ITGAL: variants seen among roughly 807,000 people sequenced by gnomAD.
ITGAL encodes the protein integrin alpha-L.
Under a neutral mutation model 138.4 loss-of-function variants are expected in ITGAL, and 68 were observed. The observed-to-expected ratio is 0.49, with a 90% CI of 0.40 to 0.60. The LOEUF is 0.60. Among genes scored for constraint, ITGAL ranks in the 20% least tolerant of loss-of-function variants. ITGAL has a pLI of 0.00. For synonymous variants in ITGAL, 561 were observed against 584.3 expected, an observed-to-expected ratio of 0.96 and a Z score of 0.57; for missense variants, 1,256 against 1,478.6, an observed-to-expected ratio of 0.85 and a Z score of 2.47.
chr16:30,495,949 G>A lies in ITGAL; in HGVS notation c.1504-148G>A, dbSNP rs2050792592. 15 of 668,596 alleles carry A rather than the reference G, an allele frequency of 2.2e-5. No homozygotes were observed. The South Asian group carries it at 2.4e-4, about 11-fold the overall frequency. 41.4% of individuals were successfully genotyped at this position (668,596 alleles called of 1,614,324 possible). On this transcript the variant is annotated intron_variant, in intron 13 of 30. Transcript: ENST00000356798. Reference sequence around the variant, plus strand: ...CAGTAAGAGGACAGTAAGAGTCTGGGCTGGTGCTTGAACCCTGGTTAGTCT... The same window carrying A: ...CAGTAAGAGGACAGTAAGAGTCTGGACTGGTGCTTGAACCCTGGTTAGTCT...
At position 30,510,947 on chromosome 16, in the gene ITGAL, G is replaced by A. The variant is rs756150914; in HGVS notation, c.2686G>A (p.Ala896Thr). Residue 896 changes from alanine (A) to threonine (T), a missense_variant, in exon 23 of 31, where the codon GCC becomes ACC. Physicochemically the swap from Ala to Thr is moderately conservative, Grantham distance 58. Around this residue, in one of 3 missense-constraint regions of ITGAL, gnomAD observed 867 missense variants for 972.5 expected, o/e 0.89. Transcript: ENST00000356798. ...CTGGGGGGACTCGGTTGAATTGCAC[G>A]CCAATGTGACCTGGTGAGCAGGCCC... is the stretch of plus-strand genomic sequence containing the variant. ...SSWGDSVELH[A>T]NVTCNNEDSD... 8.1e-6 allele frequency: 13 copies of A among 1,613,788 alleles called. No homozygotes were observed. The highest frequency in any genetic ancestry group is 1.1e-5 in the South Asian group (1 of 91,066).
rs774210178 is a variant in ITGAL at position 30,494,253 on chromosome 16, T to C, written c.1255T>C (p.Leu419=). ...TWLPSRQKTS[L]LASGAPRYQH... ...GCTGCCCTCCCGGCAAAAGACTTCG[T>C]TGCTGGCCTCGGGAGCCCCTCGATA... Residue 419 remains leucine (L), a synonymous_variant, in exon 12 of 31, where the codon TTG becomes CTG. Transcript: ENST00000356798. This position sits in a 1 kb window ranked among gnomAD's most constrained non-coding sequence, Gnocchi z 4.2. The C allele has an allele frequency of 5.6e-6, 9 of 1,612,808 alleles. No individual in the cohort carries two copies. The highest frequency in any genetic ancestry group is 7.6e-6 in the Non-Finnish European group (9 of 1,179,044).
chr16:30,504,320 A>G (rs2050950660), intron 18 of ITGAL, 56 bp downstream of exon 18: 6 of 1,391,750 alleles, frequency 4.3e-6, no homozygotes, highest in Non-Finnish European at 4.1e-6. Flanking sequence ...CCATTTGGCA[A>G]GAAGAGCCGC....
intron 30 of ITGAL, among the ~76,000 whole-genome samples, chr16:30,520,265 C>T (rs1567494212): frequency 6.6e-6 from 1 of 152,138 alleles, no homozygotes; most frequent in African/African-American, 2.4e-5. Context: ...AAGCATCCGC[C>T]TCTACAAAAA....
chr16:30,483,006 T>C (rs901246910), intron 7 of ITGAL: 2 of 152,186 alleles, frequency 1.3e-5, no homozygotes, highest in Non-Finnish European at 2.9e-5. Context: ...GTTTTCATCT[T>C]TGTAGAGTTG....
At chr16:30,506,558 C>CAAAAAAAAA (rs57722064) in intron 20 of ITGAL, among the ~76,000 whole-genome samples, 157 bp from the exon 21 acceptor site, 3 of 47,912 alleles carry the variant, frequency 6.3e-5, no homozygotes, top group African/African-American at 2.5e-4. Flanking sequence ...GACTCCATCT[C>CAAAAAAAAA]AAAAAAAAAA....
chr16:30,517,122 T>TCTA, intron 26 of ITGAL, 36 bp downstream of exon 26: 1 of 1,362,406 alleles, frequency 7.3e-7, no homozygotes, highest in Non-Finnish European at 1.0e-6. Flanking sequence ...TCTACCCTCC[T>TCTA]CAGGTCTTGG....
At chr16:30,503,276 C>T (rs2050932872) in intron 17 of ITGAL, among the ~76,000 whole-genome samples, 1 of 152,078 alleles carries the variant, frequency 6.6e-6, no homozygotes, top group South Asian at 2.1e-4. Context: ...TCCCATTCCA[C>T]CTCTTATAAG....
In ITGAL at chr16:30,499,193, C is replaced by T; in HGVS notation, c.1952C>T (p.Thr651Ile). 1.2e-6 allele frequency: 2 copies of T among 1,614,150 alleles called. No homozygotes were observed. The highest frequency in any genetic ancestry group is 1.7e-6 in the Non-Finnish European group (2 of 1,180,012). Reference sequence around the variant, plus strand: ...AAGATGAAAGAAGGAGTTAATATCACAATCTGTTTCCAGATCAAGTCTCTC... The same window carrying T: ...AAGATGAAAGAAGGAGTTAATATCATAATCTGTTTCCAGATCAAGTCTCTC... ...SNKMKEGVNITICFQIKSLIP... is the reference protein window; with the variant it reads ...SNKMKEGVNIIICFQIKSLIP... Residue 651 changes from threonine (T) to isoleucine (I), a missense_variant, in exon 16 of 31, where the codon ACA becomes ATA. Transcript: ENST00000356798.
At chr16:30,509,900 A>G (rs367980518) in intron 21 of ITGAL, among the ~76,000 whole-genome samples, 4 of 151,900 alleles carry the variant, frequency 2.6e-5, no homozygotes, top group African/African-American at 9.7e-5. Context: ...TTAGCTGGAC[A>G]TGGTGGCACA....
chr16:30,502,014 C>T (rs1041654769), intron 17 of ITGAL, among the ~76,000 whole-genome samples: 4 of 151,986 alleles, frequency 2.6e-5, no homozygotes, highest in Non-Finnish European at 4.4e-5. Context: ...GCCTGGGCAA[C>T]AGAATGAGAC....
At chr16:30,516,050 C>G (rs1205560358) in intron 25 of ITGAL, among the ~76,000 whole-genome samples, 2 of 151,660 alleles carry the variant, frequency 1.3e-5, no homozygotes, top group Non-Finnish European at 2.9e-5. Flanking sequence ...TTTAATTTAA[C>G]TGGTATTTCA....
Position 30,521,725 on chromosome 16 carries a change from T to G in ITGAL, c.*60T>G. Reference sequence around the variant, plus strand: ...GGACTCAGGATGCCCAGGGCCACTCTGCCTCTGCCTGCATTCTGCCGTGTG... The same window carrying G: ...GGACTCAGGATGCCCAGGGCCACTCGGCCTCTGCCTGCATTCTGCCGTGTG... On this transcript the variant is annotated 3_prime_UTR_variant, in exon 31 of 31. Coordinates refer to ENST00000356798, the MANE Select transcript of ITGAL (RefSeq NM_002209.3). 1 of 1,526,128 alleles carries G rather than the reference T, an allele frequency of 6.6e-7. No individual in the cohort carries two copies. Among genetic ancestry groups the G allele is most frequent in the South Asian group, 1.2e-5 (1 of 85,362 alleles). The allele number at this position is 1,526,128 out of a possible 1,614,324, so 94.5% of individuals were successfully genotyped here. A position where few individuals can be genotyped will look rare whatever the true frequency, so the allele number is the denominator to read the frequency against.
At chr16:30,505,520 T>A in intron 20 of ITGAL, 58 bp downstream of exon 20, 1 of 1,245,306 alleles carries the variant, frequency 8.0e-7, no homozygotes, top group Non-Finnish European at 1.2e-6. Flanking sequence ...GACCCCCCAC[T>A]CCACTCACCA....
intron 29 of ITGAL, 89 bp from the exon 30 acceptor site, chr16:30,519,768 T>C (rs2051223829): frequency 2.4e-6 from 2 of 828,822 alleles, no homozygotes; most frequent in Non-Finnish European, 4.2e-6. Flanking sequence ...GCAGTCCGGA[T>C]AGGAGGAGAT....
In ITGAL at chr16:30,479,154, C is replaced by T; in HGVS notation, c.391C>T (p.Leu131Phe). Residue 131 changes from leucine (L) to phenylalanine (F), a missense_variant, in exon 5 of 31, where the codon CTC becomes TTC. This residue lies in a region of ITGAL where 212 missense variants were observed against 217.4 expected (regional missense o/e 0.98). Coordinates refer to ENST00000356798, the MANE Select transcript of ITGAL (RefSeq NM_002209.3). ...CACCTATCTGAGTGGCCTGTGTTAC[C>T]TCTTCCGCCAGAATCTGCAGGGTCC... The part of the protein sequence containing the change: ...QNTYLSGLCY[L>F]FRQNLQGPML... The T allele has an allele frequency of 6.2e-7, 1 of 1,614,130 alleles. No homozygotes were observed. The highest frequency in any genetic ancestry group is 8.5e-7 in the Non-Finnish European group (1 of 1,180,014).
chr16:30,510,145 G>T (rs2051068161), intron 21 of ITGAL, among the ~76,000 whole-genome samples: 1 of 152,078 alleles, frequency 6.6e-6, no homozygotes, highest in Non-Finnish European at 1.5e-5. Flanking sequence ...CTCCCTGAGT[G>T]CTGGGATTTC....
intron 21 of ITGAL, among the ~76,000 whole-genome samples, chr16:30,507,662 AT>A (rs2051024388): frequency 6.6e-6 from 1 of 151,090 alleles, no homozygotes; most frequent in African/African-American, 2.4e-5. Flanking sequence ...AAAAAAAAAA[AT>A]TTAAATAGAG....
intron 11 of ITGAL, among the ~76,000 whole-genome samples, chr16:30,492,252 TTTC>T (rs1326766158): frequency 1.2e-4 from 12 of 103,286 alleles, no homozygotes; most frequent in African/African-American, 4.8e-4. Context: ...ATATCTTTTT[TTTC>T]TTTTTTTTTT....
Sources: gnomAD v4.1 joint callset for allele counts (sites outside exome capture counted in the v4.1 genomes callset) on GRCh38, gnomAD v4.1.1 for gene constraint, gnomAD v4.1.1 regional missense constraint, Gnocchi (gnomAD v3.1) non-coding constraint, MANE v1.5 for transcripts, NCBI Gene and HGNC (gene_info 2026-07-23, HGNC 2026-07-21) for gene names.